Variants in PLCG1 observed in about 807,000 individuals in gnomAD.
PLCG1 encodes the protein phospholipase C gamma 1, also known as 1-phosphatidylinositol 4,5-bisphosphate phosphodiesterase gamma-1.
A neutral mutation model predicts 177.8 loss-of-function variants in PLCG1; 71 were observed. The observed-to-expected ratio is 0.40, with a 90% CI of 0.33 to 0.49. The LOEUF is 0.49. Among genes scored for constraint, PLCG1 ranks in the 20% least tolerant of loss-of-function variants. The pLI is 0.72. For missense variants in PLCG1, 1,281 were observed against 1,709.0 expected, an observed-to-expected ratio of 0.75 and a Z score of 4.42; for synonymous variants, 658 against 647.9, an observed-to-expected ratio of 1.02 and a Z score of -0.24.
chr20:41,174,809 G>A lies in PLCG1; in HGVS notation c.*300G>A. On this transcript the variant is annotated 3_prime_UTR_variant, in exon 32 of 32. Transcript: ENST00000685551. This position sits in a 1 kb window ranked among gnomAD's most constrained non-coding sequence, Gnocchi z 5.8. ...TCCATCTTGTGGGGCCAGGACCATG[G>A]CCGAAGCCCCTTGGAGAGAGAGGCT... 1 of 424,712 alleles carries A rather than the reference G, an allele frequency of 2.4e-6. No homozygotes were observed. The highest frequency in any genetic ancestry group is 4.4e-6 in the Non-Finnish European group (1 of 229,634). 26.3% of individuals were successfully genotyped at this position (424,712 alleles called of 1,614,324 possible). A position where few individuals can be genotyped will look rare whatever the true frequency, so the allele number is the denominator to read the frequency against.
At chr20:41,154,001 C>A (rs148496067) in intron 1 of PLCG1, among the ~76,000 whole-genome samples, 25 of 152,250 alleles carry the variant, frequency 1.6e-4, no homozygotes, top group Non-Finnish European at 2.9e-4. Context: ...GTTTAGTTTT[C>A]AATATGTCCT....
rs1019353336 is a variant in PLCG1, at chr20:41,151,232, G to A, written c.218-8374G>A. The stretch of plus-strand genomic sequence containing the variant: ...GGCTGTGGCTGCTCTGTGTTTCTCT[G>A]TATACCCAGTGTCAGGGATAGCAGC... On this transcript the variant is annotated intron_variant, in intron 1 of 31. Transcript: ENST00000685551. This position sits in a 1 kb window ranked among gnomAD's most constrained non-coding sequence, Gnocchi z 5.5. 3.3e-5 allele frequency among the ~76,000 whole-genome samples: 5 copies of A among 152,118 alleles called. No individual in the cohort carries two copies. Among genetic ancestry groups the A allele is most frequent in the African/African-American group, 7.2e-5 (3 of 41,408 alleles).
intron 1 of PLCG1, among the ~76,000 whole-genome samples, chr20:41,139,723 G>A (rs956439473): frequency 3.3e-5 from 5 of 152,152 alleles, no homozygotes; most frequent in African/African-American, 9.7e-5. Flanking sequence ...ACAATAGACC[G>A]TGGCTGCCCT....
In PLCG1 at chr20:41,165,641, C is replaced by G; in HGVS notation, c.1614C>G (p.Val538=). The G allele has an allele frequency of 6.2e-7, 1 of 1,612,538 alleles. No homozygotes were observed. Among genetic ancestry groups the G allele is most frequent in the Non-Finnish European group, 8.5e-7 (1 of 1,178,810 alleles). The change falls in exon 16 of 32, where the codon GTC becomes GTG. Residue 538 remains valine (V), a splice_region_variant and synonymous_variant. Coordinates refer to ENST00000685551, the MANE Select transcript of PLCG1 (RefSeq NM_002660.3). The surrounding 1 kb of genome is among the most constrained non-coding windows in gnomAD (Gnocchi z 6.6). ...TTGCTGTTGCCTTCCCCTGACAGGT[C>G]AGCAGCAGCACAGAGCTGCACTCCA... The part of the protein sequence containing the change: ...GNEDEEEPKE[V]SSSTELHSNE...
chr20:41,163,877 G>C lies in PLCG1; in HGVS notation c.1010+44G>C. On this transcript the variant is annotated intron_variant, in intron 10 of 31. Transcript: ENST00000685551. This position sits in a 1 kb window ranked among gnomAD's most constrained non-coding sequence, Gnocchi z 5.2. ...GGCCCACCCAGCTTCTTCCCCAGGAGGGCCCATCTGACCATACCTACCTGC... is the reference window on the plus strand; with the variant it reads ...GGCCCACCCAGCTTCTTCCCCAGGACGGCCCATCTGACCATACCTACCTGC... The C allele has an allele frequency of 6.2e-7, 1 of 1,610,380 alleles. No homozygotes were observed. The highest frequency in any genetic ancestry group is 8.5e-7 in the Non-Finnish European group (1 of 1,176,642).
At chr20:41,149,604 C>T (rs1001609778) in intron 1 of PLCG1, among the ~76,000 whole-genome samples, 4 of 152,124 alleles carry the variant, frequency 2.6e-5, no homozygotes, top group Non-Finnish European at 5.9e-5. Flanking sequence ...GGATCTGAAG[C>T]TTAAGAGGAG....
chr20:41,138,063 A>T (rs2034661430), intron 1 of PLCG1: 1 of 383,078 alleles, frequency 2.6e-6, no homozygotes, highest in South Asian at 1.5e-4. Context: ...CTGACAGGAC[A>T]CCCCCCCTCC....
At chr20:41,138,179 T>A (rs1455783756) in intron 1 of PLCG1, among the ~76,000 whole-genome samples, 1 of 151,930 alleles carries the variant, frequency 6.6e-6, no homozygotes, top group Admixed American at 6.6e-5. Flanking sequence ...CTGGGAGTGG[T>A]GGCGGCGTCG....
rs2035009342 is a variant in PLCG1 at position 41,146,836 on chromosome 20, C to T, written c.217+8978C>T. On this transcript the variant is annotated intron_variant, in intron 1 of 31. Transcript: ENST00000685551. The surrounding 1 kb of genome is among the most constrained non-coding windows in gnomAD (Gnocchi z 6.3). ...GTGTGGTGGGAGAATTCCAACCCCA[C>T]CTTGACTTCAGCCTAAGGCCCAGAG... Among the ~76,000 whole-genome samples the T allele has an allele frequency of 6.6e-6, 1 of 152,064 alleles. No homozygotes were observed. The highest frequency in any genetic ancestry group is 1.9e-4 in the East Asian group (1 of 5,192).
chr20:41,166,488 G>C lies in PLCG1; in HGVS notation c.2013G>C (p.Ala671=). 6.2e-7 allele frequency: 1 copy of C among 1,614,074 alleles called. No homozygotes were observed. Among genetic ancestry groups the C allele is most frequent in the Non-Finnish European group, 8.5e-7 (1 of 1,180,034 alleles). ...NAHESKEWYH[A]SLTRAQAEHM... is the part of the protein sequence containing the mutation. The stretch of plus-strand genomic sequence containing the variant: ...TGCCTGTTCTCAGGTGGTACCACGC[G>C]AGCCTGACCAGAGCACAGGCTGAGC... Residue 671 remains alanine, a synonymous_variant, in exon 18 of 32, where the codon GCG becomes GCC. Coordinates refer to ENST00000685551, the MANE Select transcript of PLCG1 (RefSeq NM_002660.3). This position sits in a 1 kb window ranked among gnomAD's most constrained non-coding sequence, Gnocchi z 8.6.
At position 41,166,136 on chromosome 20, in the gene PLCG1, T is replaced by G; in HGVS notation, c.1800-58T>G. On this transcript the variant is annotated intron_variant, in intron 16 of 31. Coordinates refer to ENST00000685551, the MANE Select transcript of PLCG1 (RefSeq NM_002660.3). This position sits in a 1 kb window ranked among gnomAD's most constrained non-coding sequence, Gnocchi z 8.6. ...TTCCACCCTCATTTGGGGTGGAACTTGGTCTTTGGGGCCCTGGCCTGTTTT... is the reference window on the plus strand; with the variant it reads ...TTCCACCCTCATTTGGGGTGGAACTGGGTCTTTGGGGCCCTGGCCTGTTTT... 6.8e-7 allele frequency: 1 copy of G among 1,478,898 alleles called. No individual in the cohort carries two copies. Among genetic ancestry groups the G allele is most frequent in the South Asian group, 1.1e-5 (1 of 88,136 alleles). The allele number at this position is 1,478,898 out of a possible 1,614,324, so 91.6% of individuals were successfully genotyped here. A position where few individuals can be genotyped will look rare whatever the true frequency, so the allele number is the denominator to read the frequency against.
Position 41,156,377 on chromosome 20 carries a change from G to C in PLCG1, c.218-3229G>C, listed in dbSNP as rs1001898114. ...GGGCAGCCATCACCATGGGCCTGGG[G>C]ACGTGGTGCTGGGCAGAATGAATAT... On this transcript the variant is annotated intron_variant, in intron 1 of 31. Transcript: ENST00000685551. This position sits in a 1 kb window ranked among gnomAD's most constrained non-coding sequence, Gnocchi z 5.0. Among the ~76,000 whole-genome samples, 3 of 152,200 alleles carry C rather than the reference G, an allele frequency of 2.0e-5. No individual in the cohort carries two copies. The highest frequency in any genetic ancestry group is 4.4e-5 in the Non-Finnish European group (3 of 68,032).
In PLCG1 at chr20:41,152,458, G is replaced by A. The variant is rs35951304; in HGVS notation, c.218-7148G>A. On this transcript the variant is annotated intron_variant, in intron 1 of 31. Transcript: ENST00000685551. ...GCCTGCTGCTGCTTTTTCTGTTCCCGTTGTTACCTCACTGACCACTGCATT... is the reference window on the plus strand; with the variant it reads ...GCCTGCTGCTGCTTTTTCTGTTCCCATTGTTACCTCACTGACCACTGCATT... Among the ~76,000 whole-genome samples the A allele has an allele frequency of 1.8e-3, 275 of 152,300 alleles. 2 individuals carry two copies. Among genetic ancestry groups the A allele is most frequent in the African/African-American group, 6.2e-3 (258 of 41,554 alleles).
Position 41,167,740 on chromosome 20 carries a change from C to T in PLCG1, c.2302-112C>T, listed in dbSNP as rs1043200953. ...CTGAGGTCGAAGGATCCCTGTGGAT[C>T]AGGTGCAAGTTTGCTGCACTGGGGG... On this transcript the variant is annotated intron_variant, in intron 19 of 31. Transcript: ENST00000685551. The surrounding 1 kb of genome is among the most constrained non-coding windows in gnomAD (Gnocchi z 4.4). The T allele has an allele frequency of 1.2e-5, 9 of 741,376 alleles. No individual in the cohort carries two copies. The Admixed American group carries it at 1.7e-4, about 14-fold the overall frequency. 45.9% of individuals were successfully genotyped at this position (741,376 alleles called of 1,614,324 possible).
chr20:41,162,936 G>T, intron 6 of PLCG1, 22 bp from the exon 7 acceptor site: 2 of 1,613,286 alleles, frequency 1.2e-6, no homozygotes, highest in South Asian at 1.1e-5. Flanking sequence ...GTCTTGCCCT[G>T]ACCAGGTTCT....
At chr20:41,168,013 T>C in intron 20 of PLCG1, 84 bp downstream of exon 20, 1 of 926,700 alleles carries the variant, frequency 1.1e-6, no homozygotes, top group Non-Finnish European at 1.8e-6. Context: ...GGGCCATCTG[T>C]GGTCTTTGTG....
chr20:41,162,695 C>T lies in PLCG1; in HGVS notation c.651C>T (p.Tyr217=). Residue 217 remains tyrosine (Y), a synonymous_variant, in exon 6 of 32, where the codon TAC becomes TAT. Coordinates refer to ENST00000685551, the MANE Select transcript of PLCG1 (RefSeq NM_002660.3). ...DITYGQFAQL[Y]RSLMYSAQKT... is the part of the protein sequence containing the mutation. The stretch of plus-strand genomic sequence containing the variant: ...CCTACGGGCAGTTTGCTCAGCTGTA[C>T]CGCAGCCTCATGTACAGCGCCCAGA... 1 of 1,613,866 alleles carries T rather than the reference C, an allele frequency of 6.2e-7. No homozygotes were observed. Among genetic ancestry groups the T allele is most frequent in the Non-Finnish European group, 8.5e-7 (1 of 1,179,910 alleles).
rs1426192974 is a variant in PLCG1, at chr20:41,157,236, G to GTGTGTGTGTGTA, written c.218-2365_218-2364insGTGTGTATGTGT. On this transcript the variant is annotated intron_variant, in intron 1 of 31. Transcript: ENST00000685551. This position sits in a 1 kb window ranked among gnomAD's most constrained non-coding sequence, Gnocchi z 5.4. Reference sequence around the variant, plus strand: ...TGTGTGTGTGTGTGTGTGTGTGTGTGTGTGTACAGTCACACTCACCTTTGC... The same window carrying GTGTGTGTGTGTA: ...TGTGTGTGTGTGTGTGTGTGTGTGTGTGTGTGTGTGTATGTGTACAGTCACACTCACCTTTGC... Among the ~76,000 whole-genome samples the GTGTGTGTGTGTA allele has an allele frequency of 1.3e-5, 2 of 150,040 alleles. No homozygotes were observed. Among genetic ancestry groups the GTGTGTGTGTGTA allele is most frequent in the East Asian group, 3.9e-4 (2 of 5,194 alleles).
intron 1 of PLCG1, among the ~76,000 whole-genome samples, chr20:41,152,779 A>G (rs1168237670): frequency 6.6e-6 from 1 of 152,256 alleles, no homozygotes; most frequent in African/African-American, 2.4e-5. Context: ...CTAAGACACC[A>G]GGGAAGCACC....
Sources: gnomAD v4.1 joint callset for allele counts (sites outside exome capture counted in the v4.1 genomes callset) on GRCh38, gnomAD v4.1.1 for gene constraint, Gnocchi (gnomAD v3.1) non-coding constraint, MANE v1.5 for transcripts, NCBI Gene and HGNC (gene_info 2026-07-23, HGNC 2026-07-21) for gene names.